The following KCNQ3 variants were observed in gnomAD, a reference collection of about 807,000 sequenced individuals.
The protein encoded by KCNQ3 is potassium voltage-gated channel subfamily Q member 3.
KCNQ3 carries 30 observed loss-of-function variants against 92.5 expected under a neutral mutation model. That is an observed-to-expected ratio of 0.32 (90% confidence interval 0.24 to 0.44). KCNQ3 has a LOEUF of 0.44. Ranked by LOEUF, KCNQ3 falls within the 20% of genes least tolerant of loss-of-function variation. The pLI is 1.00. For synonymous variants in KCNQ3, 450 were observed against 468.8 expected (o/e 0.96, Z 0.52); for missense variants, 913 against 1,140.3 (o/e 0.80, Z 2.87).
At chr8:132,414,598 G>A (rs777950562) in intron 1 of KCNQ3, among the ~76,000 whole-genome samples, 2 of 152,208 alleles carry the variant, frequency 1.3e-5, no homozygotes, top group Non-Finnish European at 2.9e-5. Context: ...GAGCTGGGGA[G>A]GAAGGGGAAT....
chr8:132,392,113 C>T (rs575413910), intron 1 of KCNQ3, among the ~76,000 whole-genome samples: 2 of 152,148 alleles, frequency 1.3e-5, no homozygotes, highest in Non-Finnish European at 1.5e-5. Flanking sequence ...CGGCCTCCCC[C>T]CTGGAGAAAC....
At chr8:132,444,378 G>T (rs1821619871) in intron 1 of KCNQ3, among the ~76,000 whole-genome samples, 1 of 152,114 alleles carries the variant, frequency 6.6e-6, no homozygotes, top group African/African-American at 2.4e-5. Context: ...CATCTGTCCT[G>T]CCCCGTGTGA....
At chr8:132,160,584 A>T (rs1322081628) in intron 9 of KCNQ3, among the ~76,000 whole-genome samples, 1 of 152,024 alleles carries the variant, frequency 6.6e-6, no homozygotes, top group African/African-American at 2.4e-5. Context: ...TCATATATAA[A>T]ATAAGAACCT....
At chr8:132,255,261 T>G (rs1029438087) in intron 1 of KCNQ3, among the ~76,000 whole-genome samples, 6 of 152,106 alleles carry the variant, frequency 3.9e-5, no homozygotes, top group Admixed American at 2.0e-4. Flanking sequence ...GTCTGGTGAT[T>G]CCCTGAAAAA....
chr8:132,203,600 A>G (rs995511527), intron 1 of KCNQ3, among the ~76,000 whole-genome samples: 2 of 152,208 alleles, frequency 1.3e-5, no homozygotes, highest in African/African-American at 4.8e-5. Flanking sequence ...TGAAACATAA[A>G]TTCAGGAGTC....
intron 1 of KCNQ3, among the ~76,000 whole-genome samples, chr8:132,434,096 T>C (rs1389457182): frequency 1.4e-5 from 2 of 148,144 alleles, no homozygotes; most frequent in Admixed American, 6.7e-5. Flanking sequence ...TATTCCCAGC[T>C]ACTTGGGAGG....
rs1819770081 is a variant in KCNQ3 at position 132,382,220 on chromosome 8, CGGT to C, written c.386+97924_386+97926del. On this transcript the variant is annotated intron_variant, in intron 1 of 14. Coordinates refer to ENST00000388996, the MANE Select transcript of KCNQ3 (RefSeq NM_004519.4). ...AAATCTTATGTTGAAATGTGATCCC[CGGT>C]GTTGGAAGTGGGGTCTGGTAGAAAG... Among the ~76,000 whole-genome samples, 4 of 152,156 alleles carry C rather than the reference CGGT, an allele frequency of 2.6e-5. No homozygotes were observed. In the South Asian group the frequency reaches 8.3e-4, roughly 32 times the overall value.
At chr8:132,138,083 T>C (rs78397126) in intron 11 of KCNQ3, 67 bp from the exon 12 acceptor site, 32 of 1,562,992 alleles carry the variant, frequency 2.0e-5, no homozygotes, top group East Asian at 4.5e-5. Context: ...AACAGAAGGC[T>C]AGCAAACTCC....
At chr8:132,154,241 GCC>G (rs1825739614) in intron 9 of KCNQ3, among the ~76,000 whole-genome samples, 1 of 80,428 alleles carries the variant, frequency 1.2e-5, no homozygotes, top group Non-Finnish European at 2.5e-5. Context: ...CAGGCTTTTT[GCC>G]CCCTTCTCCC....
chr8:132,371,025 A>C (rs912550220), intron 1 of KCNQ3, among the ~76,000 whole-genome samples: 1 of 152,146 alleles, frequency 6.6e-6, no homozygotes, highest in African/African-American at 2.4e-5. Context: ...TGCACTCCCC[A>C]TTTTGCAAAT....
chr8:132,195,151 T>C (rs2130236031), intron 1 of KCNQ3, among the ~76,000 whole-genome samples: 1 of 152,372 alleles, frequency 6.6e-6, no homozygotes, highest in Middle Eastern at 3.4e-3. Flanking sequence ...TTAACATTTA[T>C]ACTTTTTCTC....
At position 132,411,055 on chromosome 8, in the gene KCNQ3, T is replaced by A. The variant is rs1384621887; in HGVS notation, c.386+69092A>T. On this transcript the variant is annotated intron_variant, in intron 1 of 14. Transcript: ENST00000388996. Reference sequence around the variant, plus strand: ...GCTGTTGCCACAGAGGGGCAGCCAGTTCCTGGAGCAGGTGCTGGGACAACT... The same window carrying A: ...GCTGTTGCCACAGAGGGGCAGCCAGATCCTGGAGCAGGTGCTGGGACAACT... Among the ~76,000 whole-genome samples, 4 of 152,230 alleles carry A rather than the reference T, an allele frequency of 2.6e-5. No homozygotes were observed. In the South Asian group the frequency reaches 8.3e-4, roughly 32 times the overall value.
chr8:132,326,021 C>T (rs1818037854), intron 1 of KCNQ3, among the ~76,000 whole-genome samples: 1 of 152,134 alleles, frequency 6.6e-6, no homozygotes, highest in Admixed American at 6.5e-5. Flanking sequence ...AAGTGGCCAC[C>T]CTCAATGGCT....
chr8:132,378,084 A>C (rs1182005380), intron 1 of KCNQ3, among the ~76,000 whole-genome samples: 1 of 152,200 alleles, frequency 6.6e-6, no homozygotes, highest in African/African-American at 2.4e-5. Context: ...AAGTCATACA[A>C]ACACATTTTT....
chr8:132,414,020 G>A (rs997680930), intron 1 of KCNQ3, among the ~76,000 whole-genome samples: 5 of 152,196 alleles, frequency 3.3e-5, no homozygotes, highest in African/African-American at 1.2e-4. Flanking sequence ...GGTGCAGCCT[G>A]GAGAAGCACC....
intron 8 of KCNQ3, among the ~76,000 whole-genome samples, chr8:132,168,938 C>A (rs1826223713): frequency 6.6e-6 from 1 of 151,916 alleles, no homozygotes; most frequent in Admixed American, 6.6e-5. Context: ...ATGTTTCTTT[C>A]CAAGTCAAGG....
Position 132,480,459 on chromosome 8 carries a change from G to T in KCNQ3, c.74C>A (p.Ala25Glu). Residue 25 changes from alanine (A) to glutamate (E), a missense_variant, in exon 1 of 15, where the codon GCG becomes GAG. Physicochemically the swap from Ala to Glu is moderately radical, Grantham distance 107. This residue lies in a region of KCNQ3 where 183 missense variants were observed against 167.7 expected (regional missense o/e 1.09). Coordinates refer to ENST00000388996, the MANE Select transcript of KCNQ3 (RefSeq NM_004519.4). ...GGDGGGGGGG[A>E]ANPAGGDAAA... ...CGCGTCCCCTCCGGCTGGGTTAGCCGCCCCGCCGCCTCCGCCGCCCCCGTC... is the reference window on the plus strand; with the variant it reads ...CGCGTCCCCTCCGGCTGGGTTAGCCTCCCCGCCGCCTCCGCCGCCCCCGTC... 1 of 1,282,376 alleles carries T rather than the reference G, an allele frequency of 7.8e-7. No individual in the cohort carries two copies. The highest frequency in any genetic ancestry group is 9.8e-7 in the Non-Finnish European group (1 of 1,019,110). 79.4% of individuals were successfully genotyped at this position (1,282,376 alleles called of 1,614,324 possible).
chr8:132,259,026 C>CATCCTTGAT (rs1815687841), intron 1 of KCNQ3, among the ~76,000 whole-genome samples: 1 of 151,916 alleles, frequency 6.6e-6, no homozygotes, highest in South Asian at 2.1e-4. Flanking sequence ...CATCCTTGCC[C>CATCCTTGAT]CATGAAAAAG....
chr8:132,219,466 A>G (rs2130330637), intron 1 of KCNQ3, among the ~76,000 whole-genome samples: 1 of 151,994 alleles, frequency 6.6e-6, no homozygotes, highest in South Asian at 2.1e-4. Context: ...CACTATCCCC[A>G]CTGGACCCTG....
Sources: gnomAD v4.1 joint callset for allele counts (sites outside exome capture counted in the v4.1 genomes callset) on GRCh38, gnomAD v4.1.1 for gene constraint, gnomAD v4.1.1 regional missense constraint, MANE v1.5 for transcripts, NCBI Gene and HGNC (gene_info 2026-07-23, HGNC 2026-07-21) for gene names.